Variants in FRMD4A observed in about 807,000 individuals in gnomAD.
FRMD4A encodes the protein FERM domain-containing protein 4A.
FRMD4A carries 29 observed loss-of-function variants against 129.1 expected under a neutral mutation model. That is an observed-to-expected ratio of 0.22 (90% CI 0.17 to 0.31). FRMD4A has a LOEUF of 0.31. Among genes scored for constraint, FRMD4A ranks in the 10% least tolerant of loss-of-function variants. The pLI is 1.00. For missense variants in FRMD4A, 1,272 were observed against 1,375.8 expected (o/e 0.92, Z 1.19); for synonymous variants, 634 against 571.6 (o/e 1.11, Z -1.56).
intron 2 of FRMD4A, among the ~76,000 whole-genome samples, chr10:14,274,406 G>A (rs1845267995): frequency 6.6e-6 from 1 of 152,180 alleles, no homozygotes; most frequent in African/African-American, 2.4e-5. Flanking sequence ...CATAGTGGTG[G>A]ATCCAGAGCC....
At chr10:13,984,758 T>C (rs889871910) in intron 2 of FRMD4A, among the ~76,000 whole-genome samples, 9 of 152,250 alleles carry the variant, frequency 5.9e-5, no homozygotes, top group African/African-American at 2.2e-4. Context: ...AGAGACCACA[T>C]TCATCCATCA....
intron 2 of FRMD4A, among the ~76,000 whole-genome samples, chr10:14,173,451 C>T (rs973660522): frequency 2.6e-5 from 4 of 152,118 alleles, no homozygotes; most frequent in Non-Finnish European, 4.4e-5. Flanking sequence ...TAGAGCAGTG[C>T]TCTGAAATCT....
At chr10:13,989,880 A>G (rs1168308731) in intron 2 of FRMD4A, among the ~76,000 whole-genome samples, 1 of 152,218 alleles carries the variant, frequency 6.6e-6, no homozygotes, top group African/African-American at 2.4e-5. Context: ...GTTTATTGAA[A>G]TTTGATGTAA....
At chr10:13,987,938 C>T (rs1470704831) in intron 2 of FRMD4A, among the ~76,000 whole-genome samples, 2 of 152,190 alleles carry the variant, frequency 1.3e-5, no homozygotes, top group Admixed American at 1.3e-4. Context: ...ACCAGGAGCA[C>T]TCAATGTCAT....
chr10:13,701,067 G>A (rs1328558501), intron 14 of FRMD4A, among the ~76,000 whole-genome samples: 1 of 152,106 alleles, frequency 6.6e-6, no homozygotes, highest in Non-Finnish European at 1.5e-5. Context: ...AAGCACAGTG[G>A]GAATTCCTCA....
chr10:13,852,661 A>G (rs2094155743), intron 3 of FRMD4A, among the ~76,000 whole-genome samples: 1 of 152,228 alleles, frequency 6.6e-6, no homozygotes, highest in Admixed American at 6.5e-5. Flanking sequence ...AAGACATTTT[A>G]CTTAAGTTTC....
At chr10:13,795,931 C>T (rs1262457061) in intron 5 of FRMD4A, among the ~76,000 whole-genome samples, 1 of 152,126 alleles carries the variant, frequency 6.6e-6, no homozygotes, top group Admixed American at 6.6e-5. Context: ...TTTGCAAGCA[C>T]AAAACAAAAT....
At position 14,089,637 on chromosome 10, in the gene FRMD4A, AAACAAAC is replaced by A. The variant is rs1169595648; in HGVS notation, c.46-230732_46-230726del. Among the ~76,000 whole-genome samples the A allele has an allele frequency of 1.4e-3, 183 of 129,924 alleles. 1 individual carries two copies. The highest frequency in any genetic ancestry group is 5.6e-3 in the African/African-American group (172 of 30,942). The allele number at this position is 129,924 out of a possible 152,430, so 85.2% of individuals were successfully genotyped here. ...TTCAAGCAAAAAAAAAAACAAAAAA[AAACAAAC>A]AAAAAAAAAACAGAAGAAAGAAATA... On this transcript the variant is annotated intron_variant, in intron 2 of 24. Transcript: ENST00000357447.
At chr10:14,056,096 A>G (rs938418108) in intron 2 of FRMD4A, among the ~76,000 whole-genome samples, 1 of 152,148 alleles carries the variant, frequency 6.6e-6, no homozygotes. Flanking sequence ...CAATGACACA[A>G]TCTTGACTTA....
intron 2 of FRMD4A, among the ~76,000 whole-genome samples, chr10:14,159,714 A>G (rs1471276242): frequency 6.6e-6 from 1 of 152,166 alleles, no homozygotes; most frequent in Non-Finnish European, 1.5e-5. Flanking sequence ...CAAAAACAAC[A>G]ACAAAAAAAG....
intron 2 of FRMD4A, among the ~76,000 whole-genome samples, chr10:14,176,497 C>T (rs1005675916): frequency 2.4e-4 from 26 of 106,652 alleles, no homozygotes; most frequent in South Asian, 1.0e-3. Flanking sequence ...TTTTTTGAGA[C>T]GGAGTCTCCC....
intron 2 of FRMD4A, among the ~76,000 whole-genome samples, chr10:13,994,860 A>G (rs1163778395): frequency 1.3e-5 from 2 of 152,164 alleles, no homozygotes; most frequent in African/African-American, 2.4e-5. Context: ...CCAGGTTGCA[A>G]TGTGCCTCTT....
In FRMD4A at chr10:13,645,622, C is replaced by A. The variant is rs1060098; in HGVS notation, c.*1416G>T. On this transcript the variant is annotated 3_prime_UTR_variant, in exon 25 of 25. Transcript: ENST00000357447. ...ACACAAATGTGGTGCATGACAGTAA[C>A]TGATGATGTAGACACATGGGCCCTT... The A allele has an allele frequency of 0.068, 10,342 of 152,622 alleles. 382 individuals carry two copies. Among genetic ancestry groups the A allele is most frequent in the African/African-American group, 0.09 (3,733 of 41,518 alleles). The allele number at this position is 152,622 out of a possible 1,614,324, so 9.5% of individuals were successfully genotyped here. A position where few individuals can be genotyped will look rare whatever the true frequency, so the allele number is the denominator to read the frequency against.
intron 2 of FRMD4A, among the ~76,000 whole-genome samples, chr10:14,117,386 G>T (rs372558432): frequency 2.3e-4 from 35 of 152,370 alleles, no homozygotes; most frequent in Admixed American, 8.5e-4. Context: ...GCAACAACCT[G>T]TTGGCCTCCC....
At chr10:13,729,434 G>C (rs756066) in intron 12 of FRMD4A, 1 of 152,202 alleles carries the variant, frequency 6.6e-6, no homozygotes, top group East Asian at 1.9e-4. Flanking sequence ...CGGCGCACTC[G>C]GCAGAACGTA....
chr10:14,102,218 G>C (rs1007009203), intron 2 of FRMD4A, among the ~76,000 whole-genome samples: 1 of 152,162 alleles, frequency 6.6e-6, no homozygotes, highest in Non-Finnish European at 1.5e-5. Context: ...ACAGCATGCA[G>C]CTTAATCACA....
At chr10:14,139,673 T>C (rs927012417) in intron 2 of FRMD4A, among the ~76,000 whole-genome samples, 1 of 152,108 alleles carries the variant, frequency 6.6e-6, no homozygotes, top group Admixed American at 6.5e-5. Flanking sequence ...TAGTCTGGAA[T>C]GCCTGGGCTC....
At chr10:14,027,183 T>C (rs1253604669) in intron 2 of FRMD4A, among the ~76,000 whole-genome samples, 1 of 152,226 alleles carries the variant, frequency 6.6e-6, no homozygotes, top group Non-Finnish European at 1.5e-5. Context: ...ATATACTACT[T>C]GTTTGTTTCA....
chr10:14,255,350 G>A (rs922395221), intron 2 of FRMD4A, among the ~76,000 whole-genome samples: 1 of 152,116 alleles, frequency 6.6e-6, no homozygotes, highest in African/African-American at 2.4e-5. Context: ...TCCACATGTG[G>A]ACAGAGTAAT....
Sources: allele counts gnomAD v4.1 joint callset (sites outside exome capture counted in the v4.1 genomes callset), GRCh38; gene constraint gnomAD v4.1.1; transcripts MANE v1.5; gene names NCBI Gene and HGNC (gene_info 2026-07-23, HGNC 2026-07-21).